Variants in RFX3 observed in about 807,000 individuals in gnomAD.
RFX3 encodes transcription factor RFX3.
Under a neutral mutation model 98.6 loss-of-function variants are expected in RFX3, and 14 were observed. That is an observed-to-expected ratio of 0.14 (90% CI 0.09 to 0.22). The LOEUF is 0.22. Among genes scored for constraint, RFX3 ranks in the 10% least tolerant of loss-of-function variants. The pLI, the probability that RFX3 is intolerant of heterozygous loss-of-function variation, is 1.00. For missense variants in RFX3, 639 were observed against 926.9 expected (o/e 0.69, Z 4.03); for synonymous variants, 383 against 328.4 (o/e 1.17, Z -1.80).
chr9:3,437,388 G>A (rs976747882), intron 1 of RFX3, among the ~76,000 whole-genome samples: 2 of 152,014 alleles, frequency 1.3e-5, no homozygotes, highest in Non-Finnish European at 2.9e-5. Context: ...TTAATGGGGA[G>A]GTACCACATT....
intron 15 of RFX3, among the ~76,000 whole-genome samples, chr9:3,235,554 A>C (rs763922897): frequency 4.6e-5 from 7 of 152,186 alleles, no homozygotes; most frequent in Admixed American, 2.6e-4. Context: ...ATGGGTTTGC[A>C]GTCACTAAAA....
intron 6 of RFX3, among the ~76,000 whole-genome samples, chr9:3,290,181 C>G (rs556974318): frequency 1.3e-5 from 2 of 150,394 alleles, no homozygotes; most frequent in African/African-American, 4.9e-5. Flanking sequence ...ACAAACATAA[C>G]TGTAAACACT....
chr9:3,309,257 T>C (rs1393873010), intron 4 of RFX3, among the ~76,000 whole-genome samples: 1 of 152,104 alleles, frequency 6.6e-6, no homozygotes, highest in Non-Finnish European at 1.5e-5. Flanking sequence ...ATGTCGTATT[T>C]CACACCAGGG....
chr9:3,432,538 T>C (rs1844745634), intron 1 of RFX3, among the ~76,000 whole-genome samples: 1 of 152,058 alleles, frequency 6.6e-6, no homozygotes, highest in African/African-American at 2.4e-5. Context: ...TCACAAGATT[T>C]AGAACAGTGC....
At chr9:3,511,544 T>C (rs1354558432) in intron 1 of RFX3, among the ~76,000 whole-genome samples, 1 of 152,088 alleles carries the variant, frequency 6.6e-6, no homozygotes, top group Non-Finnish European at 1.5e-5. Flanking sequence ...TCTTCCTTTA[T>C]GTTCTATTAG....
intron 1 of RFX3, among the ~76,000 whole-genome samples, chr9:3,416,228 G>T (rs567176977): frequency 1.3e-5 from 2 of 152,252 alleles, no homozygotes; most frequent in African/African-American, 4.8e-5. Context: ...GAAATAAAGT[G>T]TTGTATGAGC....
chr9:3,277,964 A>C (rs982137314), intron 7 of RFX3, among the ~76,000 whole-genome samples: 2 of 152,004 alleles, frequency 1.3e-5, no homozygotes, highest in African/African-American at 4.8e-5. Context: ...GTGCATCTCA[A>C]CACATTTATC....
intron 13 of RFX3, among the ~76,000 whole-genome samples, chr9:3,262,313 C>G (rs1167494464): frequency 6.6e-6 from 1 of 152,048 alleles, no homozygotes; most frequent in African/African-American, 2.4e-5. Flanking sequence ...TTAAAATATA[C>G]TTTAAAGTAC....
At chr9:3,285,854 C>A (rs1358289486) in intron 7 of RFX3, among the ~76,000 whole-genome samples, 1 of 151,652 alleles carries the variant, frequency 6.6e-6, no homozygotes, top group Non-Finnish European at 1.5e-5. Flanking sequence ...TACCACTATC[C>A]TGAGAATGCA....
Position 3,421,014 on chromosome 9 carries a change from T to C in RFX3, c.-8-25418A>G, listed in dbSNP as rs1002937069. 10 of 539,764 alleles carry C rather than the reference T, an allele frequency of 1.9e-5. No individual in the cohort carries two copies. In the African/African-American group the frequency reaches 2.9e-4, roughly 15 times the overall value. 33.4% of individuals were successfully genotyped at this position (539,764 alleles called of 1,614,324 possible). A position where few individuals can be genotyped will look rare whatever the true frequency, so the allele number is the denominator to read the frequency against. ...CTCTCAGAGATAAATATTTCTACTA[T>C]GTGCCAAAAAAAAAAAAAAAAACAA... On this transcript the variant is annotated intron_variant, in intron 1 of 16. Transcript: ENST00000617270.
chr9:3,480,954 C>T (rs1007309627), intron 1 of RFX3, among the ~76,000 whole-genome samples: 2 of 152,060 alleles, frequency 1.3e-5, no homozygotes, highest in Admixed American at 1.3e-4. Flanking sequence ...AAAATTATAA[C>T]CATCATCAAT....
intron 15 of RFX3, among the ~76,000 whole-genome samples, chr9:3,245,144 T>C (rs1191229466): frequency 6.6e-6 from 1 of 152,220 alleles, no homozygotes; most frequent in East Asian, 1.9e-4. Flanking sequence ...TTGTGGAGCT[T>C]CTAGAATGAC....
At chr9:3,428,328 T>A (rs919796150) in intron 1 of RFX3, among the ~76,000 whole-genome samples, 8 of 152,166 alleles carry the variant, frequency 5.3e-5, no homozygotes, top group African/African-American at 1.9e-4. Context: ...GTTGAATGAA[T>A]AGGTAGCGCT....
intron 1 of RFX3, among the ~76,000 whole-genome samples, chr9:3,500,459 T>C (rs1189282113): frequency 6.6e-6 from 1 of 152,140 alleles, no homozygotes; most frequent in Non-Finnish European, 1.5e-5. Context: ...CCTTGCTTCA[T>C]CCTTCTTAAA....
chr9:3,499,866 T>A (rs1815788273), intron 1 of RFX3, among the ~76,000 whole-genome samples: 1 of 152,150 alleles, frequency 6.6e-6, no homozygotes, highest in Non-Finnish European at 1.5e-5. Context: ...AGTTAATTTT[T>A]TTTAAGTGAG....
chr9:3,438,309 T>G (rs1277682937), intron 1 of RFX3, among the ~76,000 whole-genome samples: 1 of 152,142 alleles, frequency 6.6e-6, no homozygotes, highest in Admixed American at 6.6e-5. Context: ...TCAAAAATAC[T>G]TACACGACAT....
intron 12 of RFX3, among the ~76,000 whole-genome samples, chr9:3,265,904 T>A (rs1398291603): frequency 6.6e-6 from 1 of 152,098 alleles, no homozygotes; most frequent in Admixed American, 6.6e-5. Flanking sequence ...CATTTATAGT[T>A]TATATCTTTC....
intron 14 of RFX3, among the ~76,000 whole-genome samples, chr9:3,255,185 T>G (rs1821953951): frequency 6.6e-6 from 1 of 152,168 alleles, no homozygotes; most frequent in South Asian, 2.1e-4. Context: ...CCAAATCAGT[T>G]GAGAAAGAAA....
rs189501509 is a variant in RFX3 at position 3,424,110 on chromosome 9, A to G, written c.-8-28514T>C. On this transcript the variant is annotated intron_variant, in intron 1 of 16. Transcript: ENST00000617270. ...TGCAGTGAGCTGAGATCGCGCCACT[A>G]CACTCCAGCCTGGGCGACAGAGGGA... is the stretch of plus-strand genomic sequence containing the variant. Among the ~76,000 whole-genome samples the G allele has an allele frequency of 8.8e-3, 1,327 of 150,194 alleles. 15 individuals are homozygous for G. The highest frequency in any genetic ancestry group is 0.027 in the African/African-American group (1,111 of 41,156).
Sources: allele counts gnomAD v4.1 joint callset (sites outside exome capture counted in the v4.1 genomes callset), GRCh38; gene constraint gnomAD v4.1.1; transcripts MANE v1.5; gene names NCBI Gene and HGNC (gene_info 2026-07-23, HGNC 2026-07-21).